Variants in FADS2 observed in about 807,000 individuals in gnomAD.
The protein encoded by FADS2 is fatty acid desaturase 2.
FADS2 carries 18 observed loss-of-function variants against 61.2 expected under a neutral mutation model. That is an observed-to-expected ratio of 0.29 (90% CI 0.20 to 0.44). The LOEUF (loss-of-function observed/expected upper bound fraction) is 0.44, where lower values mean the gene tolerates loss of function less well. Among genes scored for constraint, FADS2 ranks in the 20% least tolerant of loss-of-function variants. FADS2 has a pLI of 1.00. For synonymous variants in FADS2, 203 were observed against 223.9 expected (o/e 0.91, Z 0.83); for missense variants, 322 against 572.7 (o/e 0.56, Z 4.47).
At chr11:61,834,972 T>A in intron 1 of FADS2, among the ~76,000 whole-genome samples, 1 of 136,210 alleles carries the variant, frequency 7.3e-6, no homozygotes, top group Admixed American at 7.8e-5. Context: ...CTGGGCCTCC[T>A]CCCTGCCTGC....
intron 4 of FADS2, among the ~76,000 whole-genome samples, chr11:61,843,727 C>G (rs964014018): frequency 1.3e-5 from 2 of 152,166 alleles, no homozygotes; most frequent in African/African-American, 4.8e-5. Context: ...GGCGTGATCT[C>G]AACTCACTGA....
In FADS2 at chr11:61,816,354, G is replaced by A; in HGVS notation, c.69G>A (p.Gln23=). The A allele has an allele frequency of 1.3e-6, 2 of 1,598,374 alleles. No homozygotes were observed. The highest frequency in any genetic ancestry group is 1.1e-5 in the South Asian group (1 of 91,084). ...TGTTGGCCTCCATCCCCACTCCCCA[G>A]ACTCCACTTCTCCAGGCCTCTCTCC... The change falls in exon 1 of 12, where the codon CAG becomes CAA. Residue 23 remains glutamine (Q), a synonymous_variant. Coordinates refer to the FADS2 transcript ENST00000257261. This position sits in a 1 kb window ranked among gnomAD's most constrained non-coding sequence, Gnocchi z 7.0.
At chr11:61,845,008 T>G (rs780576784) in intron 4 of FADS2, among the ~76,000 whole-genome samples, 7 of 150,238 alleles carry the variant, frequency 4.7e-5, no homozygotes, top group Non-Finnish European at 8.9e-5. Context: ...ATGAGTTTGT[T>G]TCCATTAAAG....
chr11:61,833,002 C>T (rs2067141250), intron 1 of FADS2, among the ~76,000 whole-genome samples: 1 of 152,144 alleles, frequency 6.6e-6, no homozygotes, highest in African/African-American at 2.4e-5. Flanking sequence ...GTGAGTTGTA[C>T]CCAGAGTGGG....
chr11:61,840,173 G>C, intron 2 of FADS2, 161 bp from the exon 3 acceptor site: 1 of 642,990 alleles, frequency 1.6e-6, no homozygotes, highest in Non-Finnish European at 2.8e-6. Flanking sequence ...GGTAACAGCA[G>C]CTATTGTAGG....
chr11:61,824,435 G>GA (rs2067057669), upstream of FADS2, among the ~76,000 whole-genome samples: 13 of 4,628 alleles, frequency 2.8e-3, no homozygotes, highest in Middle Eastern at 0.2. Flanking sequence ...AGAGAGAGAG[G>GA]GAGGGAGGGA....
chr11:61,837,814 G>A lies in FADS2; in HGVS notation c.244G>A (p.Val82Met), dbSNP rs1250862345. 5 of 1,613,508 alleles carry A rather than the reference G, an allele frequency of 3.1e-6. No homozygotes were observed. The highest frequency in any genetic ancestry group is 1.6e-4 in the Middle Eastern group (1 of 6,084). The change falls in exon 2 of 12, where the codon GTG (valine) becomes ATG (methionine). Residue 82 changes from valine (V) to methionine (M), a missense_variant. Physicochemically the swap from Val to Met is conservative, Grantham distance 21. Around this residue, in one of 3 missense-constraint regions of FADS2, gnomAD observed 40 missense variants for 37.3 expected, o/e 1.07. Coordinates refer to ENST00000278840, the MANE Select transcript of FADS2 (RefSeq NM_004265.4). ...CGCCTTCCACCCTGACCTGGAATTCGTGGGCAAGTTCTTGAAACCCCTGCT... is the reference window on the plus strand; with the variant it reads ...CGCCTTCCACCCTGACCTGGAATTCATGGGCAAGTTCTTGAAACCCCTGCT... Reference protein sequence around the residue: ...FRAFHPDLEFVGKFLKPLLIG... With the variant: ...FRAFHPDLEFMGKFLKPLLIG...
Position 61,865,248 on chromosome 11 carries a change from G to A in FADS2, c.1254G>A (p.Pro418=), listed in dbSNP as rs766082798. The part of the protein sequence containing the change: ...AKHGIEYQEK[P]LLRALLDIIR... ...ATGGCATTGAATACCAGGAGAAGCC[G>A]CTACTGAGGGCCCTGCTGGACATCA... The change falls in exon 11 of 12, where the codon CCG becomes CCA. Residue 418 remains proline, a synonymous_variant. Coordinates refer to ENST00000278840, the MANE Select transcript of FADS2 (RefSeq NM_004265.4). The surrounding 1 kb of genome is among the most constrained non-coding windows in gnomAD (Gnocchi z 4.1). The A allele has an allele frequency of 3.3e-5, 53 of 1,613,524 alleles. No homozygotes were observed. Among genetic ancestry groups the A allele is most frequent in the Middle Eastern group, 3.5e-4 (2 of 5,784 alleles).
intron 1 of FADS2, among the ~76,000 whole-genome samples, chr11:61,835,908 G>C (rs956766789): frequency 6.6e-6 from 1 of 152,182 alleles, no homozygotes; most frequent in East Asian, 1.9e-4. Context: ...AAAAAAGGAA[G>C]AGATGCTCTA....
chr11:61,821,434 C>T (rs776894947), intron 1 of FADS2: 7 of 701,622 alleles, frequency 1.0e-5, no homozygotes, highest in Non-Finnish European at 1.8e-5. Context: ...AATTGAATAA[C>T]CTAACTGCCA....
rs751099219 is a variant in FADS2 at position 61,866,584 on chromosome 11, C to T, written c.*895C>T. On this transcript the variant is annotated 3_prime_UTR_variant, in exon 12 of 12. Transcript: ENST00000278840. Reference sequence around the variant, plus strand: ...GCAATCTGACCCTTCTCCAAAGGCTCTGTTATCAGCTGGGCAGTGCCAGCC... The same window carrying T: ...GCAATCTGACCCTTCTCCAAAGGCTTTGTTATCAGCTGGGCAGTGCCAGCC... The T allele has an allele frequency of 6.6e-6, 1 of 152,346 alleles. No homozygotes were observed. The highest frequency in any genetic ancestry group is 1.5e-5 in the Non-Finnish European group (1 of 68,060). 9.4% of individuals were successfully genotyped at this position (152,346 alleles called of 1,614,324 possible). A position where few individuals can be genotyped will look rare whatever the true frequency, so the allele number is the denominator to read the frequency against.
At position 61,861,353 on chromosome 11, in the gene FADS2, C is replaced by CAAAAAAAAAAAAAAAAAAAAAAAAAAA. The variant is rs58136105; in HGVS notation, c.883-1601_883-1600insAAAAAAAAAAAAAAAAAAAAAAAAAAA. On this transcript the variant is annotated intron_variant, in intron 7 of 11. Coordinates refer to ENST00000278840, the MANE Select transcript of FADS2 (RefSeq NM_004265.4). ...TGGGCGACAGAGCGAGACTCCCTCTCAAAAAAAAAAAAAAAAAACAGAAAT... is the reference window on the plus strand; with the variant it reads ...TGGGCGACAGAGCGAGACTCCCTCTCAAAAAAAAAAAAAAAAAAAAAAAAAAAAAAAAAAAAAAAAAAAAACAGAAAT... Among the ~76,000 whole-genome samples, 51 of 29,690 alleles carry CAAAAAAAAAAAAAAAAAAAAAAAAAAA rather than the reference C, an allele frequency of 1.7e-3. 2 individuals carry two copies. The highest frequency in any genetic ancestry group is 0.015 in the East Asian group (9 of 620). 19.5% of individuals were successfully genotyped at this position (29,690 alleles called of 152,430 possible).
At chr11:61,840,801 C>A in intron 4 of FADS2, 76 bp downstream of exon 4, 1 of 1,132,446 alleles carries the variant, frequency 8.8e-7, no homozygotes, top group Non-Finnish European at 1.3e-6. Context: ...CCTCTCTGCT[C>A]AGTGCTCTGA....
intron 5 of FADS2, chr11:61,849,646 CT>C (rs1482284622): frequency 6.6e-6 from 1 of 152,118 alleles, no homozygotes; most frequent in Non-Finnish European, 1.5e-5. Flanking sequence ...ATTTTATGCC[CT>C]TGAGGGTAAC....
At chr11:61,853,929 C>G (rs1437900176) in intron 5 of FADS2, among the ~76,000 whole-genome samples, 4 of 152,180 alleles carry the variant, frequency 2.6e-5, no homozygotes, top group Admixed American at 2.6e-4. Context: ...CCACATGGCC[C>G]GGCATCCCCC....
At position 61,816,686 on chromosome 11, in the gene FADS2, C is replaced by T. The variant is rs1190755227; in HGVS notation, c.141+260C>T. Reference sequence around the variant, plus strand: ...TCCTCGCACCCTGAGCGCTGGGCCACCTCGTCCCAGGTGAAGTAGCGCGGG... The same window carrying T: ...TCCTCGCACCCTGAGCGCTGGGCCATCTCGTCCCAGGTGAAGTAGCGCGGG... On this transcript the variant is annotated intron_variant, in intron 1 of 11. Transcript: ENST00000257261. This position sits in a 1 kb window ranked among gnomAD's most constrained non-coding sequence, Gnocchi z 7.0. 3.1e-6 allele frequency: 5 copies of T among 1,587,322 alleles called. No homozygotes were observed. The highest frequency in any genetic ancestry group is 4.3e-6 in the Non-Finnish European group (5 of 1,167,558).
upstream of FADS2, chr11:61,827,820 T>G (rs1276654237): frequency 2.1e-5 from 3 of 146,066 alleles, no homozygotes; most frequent in South Asian, 2.1e-4. This position sits in a 1 kb window ranked among gnomAD's most constrained non-coding sequence, Gnocchi z 4.5. Context: ...GGCCGGAGAG[T>G]GGGGGAGGGA....
At chr11:61,852,232 C>A (rs1239055975) in intron 5 of FADS2, among the ~76,000 whole-genome samples, 2 of 152,076 alleles carry the variant, frequency 1.3e-5, no homozygotes, top group Non-Finnish European at 2.9e-5. Context: ...TAGTGGGGTG[C>A]CTTTCCCCTT....
intron 4 of FADS2, among the ~76,000 whole-genome samples, chr11:61,844,798 G>A (rs562348543): frequency 2.1e-4 from 31 of 147,030 alleles, no homozygotes; most frequent in African/African-American, 7.0e-4. Flanking sequence ...GGTGGCACAC[G>A]CCTGCAGTCC....
Sources: allele counts gnomAD v4.1 joint callset (sites outside exome capture counted in the v4.1 genomes callset), GRCh38; gene constraint gnomAD v4.1.1; regional missense constraint gnomAD v4.1.1; non-coding constraint Gnocchi (gnomAD v3.1); transcripts MANE v1.5; gene names NCBI Gene and HGNC (gene_info 2026-07-23, HGNC 2026-07-21).